The following DIP2B variants were observed in gnomAD, a reference collection of about 807,000 sequenced individuals.
DIP2B encodes the protein disco-interacting protein 2 homolog B.
A neutral mutation model predicts 198.0 loss-of-function variants in DIP2B; 76 were observed. The ratio of observed to expected loss-of-function variants is 0.38; its 90% confidence interval spans 0.32 to 0.46. DIP2B has a LOEUF of 0.46. Ranked by LOEUF, DIP2B falls within the 20% of genes least tolerant of loss-of-function variation. The probability of loss-of-function intolerance (pLI) is 0.99; values close to 1 mark genes in which losing one functional copy is unlikely to be tolerated. For missense variants in DIP2B, 1,559 were observed against 1,978.4 expected, an observed-to-expected ratio of 0.79 and a Z score of 4.02; for synonymous variants, 701 against 739.1, an observed-to-expected ratio of 0.95 and a Z score of 0.84.
chr12:50,736,202 A>G (rs1301901066), intron 34 of DIP2B, among the ~76,000 whole-genome samples: 1 of 152,164 alleles, frequency 6.6e-6, no homozygotes, highest in Admixed American at 6.5e-5. Context: ...TGCATCTGCG[A>G]GCAGAGGGGG....
At chr12:50,558,173 G>A (rs1317283891) in intron 1 of DIP2B, among the ~76,000 whole-genome samples, 1 of 152,172 alleles carries the variant, frequency 6.6e-6, no homozygotes, top group Non-Finnish European at 1.5e-5. Flanking sequence ...TTCGAGACCA[G>A]CAACATAGTG....
At chr12:50,681,913 G>C (rs1939047528) in intron 9 of DIP2B, among the ~76,000 whole-genome samples, 2 of 152,160 alleles carry the variant, frequency 1.3e-5, no homozygotes, top group South Asian at 4.2e-4. Flanking sequence ...ATGTCTTGTG[G>C]AATTAATTTT....
intron 31 of DIP2B, 57 bp from the exon 32 acceptor site, chr12:50,732,309 C>G (rs1940057066): frequency 1.9e-6 from 3 of 1,594,106 alleles, no homozygotes; most frequent in Non-Finnish European, 2.6e-6. Context: ...GTGGCCTTAC[C>G]TGTTCAGTTC....
intron 37 of DIP2B, among the ~76,000 whole-genome samples, chr12:50,744,284 G>C (rs1008884053): frequency 6.6e-6 from 1 of 152,134 alleles, no homozygotes; most frequent in Non-Finnish European, 1.5e-5. Context: ...TTATAGGTGT[G>C]AGCCACCGCG....
intron 3 of DIP2B, among the ~76,000 whole-genome samples, chr12:50,649,993 GA>G (rs1244389596): frequency 2.0e-5 from 3 of 152,162 alleles, no homozygotes; most frequent in Non-Finnish European, 4.4e-5. Flanking sequence ...TGGATCACCT[GA>G]AGTCAGGAGT....
intron 1 of DIP2B, among the ~76,000 whole-genome samples, chr12:50,521,351 C>T (rs1319388529): frequency 1.3e-5 from 2 of 151,888 alleles, no homozygotes; most frequent in African/African-American, 2.4e-5. Flanking sequence ...GTGATCCACC[C>T]GCCTCAGCCT....
chr12:50,743,864 A>C (rs533761804), intron 37 of DIP2B, among the ~76,000 whole-genome samples: 18 of 152,354 alleles, frequency 1.2e-4, no homozygotes, highest in African/African-American at 4.1e-4. Flanking sequence ...ATCAGGAATC[A>C]CTGTCGCCTT....
intron 1 of DIP2B, among the ~76,000 whole-genome samples, chr12:50,515,823 T>C (rs1269843342): frequency 6.6e-6 from 1 of 152,196 alleles, no homozygotes; most frequent in Non-Finnish European, 1.5e-5. Flanking sequence ...GGTTCCCCCA[T>C]GCTAACTTGG....
chr12:50,719,756 G>T (rs958296017), intron 25 of DIP2B, among the ~76,000 whole-genome samples: 16 of 151,526 alleles, frequency 1.1e-4, no homozygotes, highest in African/African-American at 3.4e-4. Context: ...CAGGAGAATC[G>T]CTTGAATCCG....
At chr12:50,551,474 C>T (rs1015971133) in intron 1 of DIP2B, among the ~76,000 whole-genome samples, 1 of 152,098 alleles carries the variant, frequency 6.6e-6, no homozygotes, top group Non-Finnish European at 1.5e-5. Context: ...GACAGAGTCT[C>T]ACTTTGTTTC....
intron 1 of DIP2B, among the ~76,000 whole-genome samples, chr12:50,534,105 T>A (rs1204254680): frequency 1.3e-5 from 2 of 152,164 alleles, no homozygotes; most frequent in Non-Finnish European, 2.9e-5. Flanking sequence ...TAGTCATTAG[T>A]CAACTAGTTA....
intron 1 of DIP2B, among the ~76,000 whole-genome samples, chr12:50,511,892 G>T (rs112723641): frequency 7.3e-6 from 1 of 137,106 alleles, no homozygotes; most frequent in African/African-American, 2.7e-5. Flanking sequence ...ATGTTGCAGT[G>T]AGCCGAGATC....
chr12:50,551,133 C>T (rs1490040200), intron 1 of DIP2B, among the ~76,000 whole-genome samples: 1 of 151,632 alleles, frequency 6.6e-6, no homozygotes, highest in Non-Finnish European at 1.5e-5. Context: ...TTTTAAAGAC[C>T]AGATTTGAGG....
At chr12:50,622,855 G>A (rs1379621378) in intron 1 of DIP2B, among the ~76,000 whole-genome samples, 1 of 151,632 alleles carries the variant, frequency 6.6e-6, no homozygotes, top group Non-Finnish European at 1.5e-5. Context: ...TAGGTGATCT[G>A]CGTGCCTCGG....
At chr12:50,613,498 G>T (rs143484898) in intron 1 of DIP2B, among the ~76,000 whole-genome samples, 1 of 152,012 alleles carries the variant, frequency 6.6e-6, no homozygotes, top group Non-Finnish European at 1.5e-5. Context: ...ACCCTTTTTC[G>T]TAGAGAAAAG....
In DIP2B at chr12:50,732,386, C is replaced by T. The variant is rs760080285; in HGVS notation, c.3831C>T (p.Ser1277=). The T allele has an allele frequency of 6.2e-7, 1 of 1,614,242 alleles. No homozygotes were observed. The highest frequency in any genetic ancestry group is 8.5e-7 in the Non-Finnish European group (1 of 1,180,034). The change falls in exon 32 of 38, where the codon TCC becomes TCT. Residue 1277 remains serine, a synonymous_variant. Coordinates refer to ENST00000301180, the MANE Select transcript of DIP2B (RefSeq NM_173602.3). ...TGCAGACCAGAGGGATCAACCTCTC[C>T]TGCGTCCGGACCTGTGTGGTGGTGG... ...EVLKTRGINL[S]CVRTCVVVAE...
intron 1 of DIP2B, among the ~76,000 whole-genome samples, chr12:50,513,868 C>T (rs534589625): frequency 1.9e-3 from 188 of 100,384 alleles, no homozygotes; most frequent in African/African-American, 5.7e-3. Context: ...AGTGGGACTC[C>T]GTCTCAAAAA....
chr12:50,680,852 A>G (rs1592124901), intron 9 of DIP2B, 89 bp downstream of exon 9: 2 of 1,230,194 alleles, frequency 1.6e-6, no homozygotes, highest in Non-Finnish European at 1.2e-6. Context: ...TTCATATACA[A>G]CAGGAAAATT....
chr12:50,529,236 A>T (rs539918786), intron 1 of DIP2B, among the ~76,000 whole-genome samples: 2 of 152,292 alleles, frequency 1.3e-5, no homozygotes, highest in East Asian at 3.9e-4. Context: ...AGGCTCCGGG[A>T]GCTGTGATGG....
Sources: allele counts gnomAD v4.1 joint callset (sites outside exome capture counted in the v4.1 genomes callset), GRCh38; gene constraint gnomAD v4.1.1; transcripts MANE v1.5; gene names NCBI Gene and HGNC (gene_info 2026-07-23, HGNC 2026-07-21).